Variants in SNX19 observed in about 807,000 individuals in gnomAD.
SNX19 encodes the protein sorting nexin 19.
In SNX19, 60 loss-of-function variants were observed where a neutral mutation model predicts 85.2. The ratio of observed to expected loss-of-function variants is 0.70; its 90% CI spans 0.57 to 0.87. SNX19 has a LOEUF of 0.87. Among genes scored for constraint, SNX19 ranks in the 40% least tolerant of loss-of-function variants. The pLI, the probability that SNX19 is intolerant of heterozygous loss-of-function variation, is 0.00. For missense variants in SNX19, 1,201 were observed against 1,217.8 expected (o/e 0.99, Z 0.21); for synonymous variants, 520 against 470.0 (o/e 1.11, Z -1.38).
chr11:130,880,964 G>A (rs576471501), intron 8 of SNX19, 158 bp from the exon 9 acceptor site: 7 of 500,572 alleles, frequency 1.4e-5, no homozygotes, highest in African/African-American at 1.9e-5. Flanking sequence ...GAGGTGATTA[G>A]GTCATGGGGG....
At chr11:130,891,087 A>T (rs1007857553) in intron 8 of SNX19, among the ~76,000 whole-genome samples, 8 of 152,176 alleles carry the variant, frequency 5.3e-5, no homozygotes, top group African/African-American at 1.9e-4. Context: ...TTGAGCTCTT[A>T]ATTATTCATG....
intron 8 of SNX19, 73 bp downstream of exon 8, chr11:130,903,182 A>T: frequency 1.9e-6 from 3 of 1,591,788 alleles, no homozygotes; most frequent in Non-Finnish European, 2.6e-6. Context: ...GATTCCCTGG[A>T]CACTATTCAG....
At chr11:130,894,505 T>C (rs768644894) in intron 8 of SNX19, among the ~76,000 whole-genome samples, 2 of 152,178 alleles carry the variant, frequency 1.3e-5, no homozygotes, top group African/African-American at 2.4e-5. Flanking sequence ...ATGGCTTCAA[T>C]ATACTGTATC....
chr11:130,901,334 A>T (rs1209243577), intron 8 of SNX19, among the ~76,000 whole-genome samples: 1 of 152,196 alleles, frequency 6.6e-6, no homozygotes, highest in African/African-American at 2.4e-5. Context: ...AAAACTTTGC[A>T]AGTTAGAGAA....
chr11:130,894,663 T>C (rs1944749009), intron 8 of SNX19: 3 of 985,342 alleles, frequency 3.0e-6, no homozygotes, highest in African/African-American at 1.7e-5. Context: ...GGTAGGCTTT[T>C]TGTCACCTAT....
intron 8 of SNX19, among the ~76,000 whole-genome samples, chr11:130,900,603 T>G (rs7121893): frequency 1.4e-3 from 207 of 152,304 alleles, no homozygotes; most frequent in African/African-American, 4.7e-3. Flanking sequence ...AGGTCAACTT[T>G]TTCCTACCCC....
At chr11:130,902,069 GA>G (rs1945293358) in intron 8 of SNX19, among the ~76,000 whole-genome samples, 1 of 152,170 alleles carries the variant, frequency 6.6e-6, no homozygotes, top group Admixed American at 6.5e-5. Context: ...CAAGATACAT[GA>G]AAAAAGCACA....
In SNX19 at chr11:130,878,393, T is replaced by A; in HGVS notation, c.*29A>T. The A allele has an allele frequency of 6.2e-7, 1 of 1,609,700 alleles. No individual in the cohort carries two copies. The highest frequency in any genetic ancestry group is 1.1e-5 in the South Asian group (1 of 90,642). ...TGGTGGCCGAGTAACTCTACTTCCC[T>A]GACCTGGGAAGAAGGCGTGAATAAC... is the stretch of plus-strand genomic sequence containing the variant. On this transcript the variant is annotated 3_prime_UTR_variant, in exon 11 of 11. Coordinates refer to ENST00000265909, the MANE Select transcript of SNX19 (RefSeq NM_014758.3).
rs1051080221 is a variant in SNX19, at chr11:130,874,160, C to A, written c.*4262G>T. The stretch of plus-strand genomic sequence containing the variant: ...GCCTCAGCCTCCCTAGTAGGTGGAA[C>A]CACAGGCGAGAGCCACCATGCCCCG... On this transcript the variant is annotated 3_prime_UTR_variant, in exon 11 of 11. Transcript: ENST00000265909. 1.3e-5 allele frequency among the ~76,000 whole-genome samples: 2 copies of A among 151,882 alleles called. No homozygotes were observed. The highest frequency in any genetic ancestry group is 6.6e-5 in the Admixed American group (1 of 15,258).
At chr11:130,901,314 T>C (rs1037278751) in intron 8 of SNX19, among the ~76,000 whole-genome samples, 1 of 152,122 alleles carries the variant, frequency 6.6e-6, no homozygotes, top group African/African-American at 2.4e-5. Context: ...CTGTGACAAG[T>C]ATTATTATCA....
At position 130,915,143 on chromosome 11, in the gene SNX19, C is replaced by A. The variant is rs754578596; in HGVS notation, c.797G>T (p.Gly266Val). ...DPDWIHLVLV[G>V]IFSKARDPAP... Reference sequence around the variant, plus strand: ...TGGATCTCTGGCCTTGGAAAAGATACCCACGAGTACAAGGTGGATCCAGTC... The same window carrying A: ...TGGATCTCTGGCCTTGGAAAAGATAACCACGAGTACAAGGTGGATCCAGTC... The change falls in exon 1 of 11, where the codon GGT becomes GTT. Residue 266 changes from glycine (G) to valine (V), a missense_variant. By Grantham distance (109) the Gly-to-Val change is moderately radical. Around this residue, in one of 3 missense-constraint regions of SNX19, gnomAD observed 791 missense variants for 750.9 expected, o/e 1.05. Transcript: ENST00000265909. The A allele has an allele frequency of 6.2e-7, 1 of 1,613,808 alleles. No homozygotes were observed. The highest frequency in any genetic ancestry group is 1.3e-5 in the African/African-American group (1 of 74,934).
At chr11:130,885,156 TA>T (rs1592287497) in intron 8 of SNX19, among the ~76,000 whole-genome samples, 1 of 152,100 alleles carries the variant, frequency 6.6e-6, no homozygotes, top group Admixed American at 6.5e-5. Context: ...AGAGCCTTAA[TA>T]GGGGGCCTAG....
Position 130,876,329 on chromosome 11 carries a change from T to C in SNX19, c.*2093A>G, listed in dbSNP as rs893675698. 2 of 152,280 alleles carry C rather than the reference T, an allele frequency of 1.3e-5. No individual in the cohort carries two copies. The highest frequency in any genetic ancestry group is 6.5e-5 in the Admixed American group (1 of 15,272). The allele number at this position is 152,280 out of a possible 1,614,324, so 9.4% of individuals were successfully genotyped here. On this transcript the variant is annotated 3_prime_UTR_variant, in exon 11 of 11. Coordinates refer to ENST00000265909, the MANE Select transcript of SNX19 (RefSeq NM_014758.3). ...GTTTTCAAAGCCAGATGAGTTCTGA[T>C]TGTTCCCTTGGCAATATCCATTATT...
In SNX19 at chr11:130,871,915, CACTG is replaced by C. The variant is rs376092724; in HGVS notation, c.*6503_*6506del. Among the ~76,000 whole-genome samples the C allele has an allele frequency of 3.2e-3, 495 of 152,324 alleles. 2 individuals are homozygous for C. Among genetic ancestry groups the C allele is most frequent in the African/African-American group, 9.9e-3 (411 of 41,576 alleles). ...AATTAGCTTACACTTCCTAAACAAA[CACTG>C]ACTGGTGACAAAGGGATTGGGTTAA... On this transcript the variant is annotated 3_prime_UTR_variant, in exon 11 of 11. Coordinates refer to ENST00000265909, the MANE Select transcript of SNX19 (RefSeq NM_014758.3).
chr11:130,894,242 T>A (rs937701156), intron 8 of SNX19, among the ~76,000 whole-genome samples: 1 of 152,208 alleles, frequency 6.6e-6, no homozygotes. Flanking sequence ...GCTGGTCTCA[T>A]CACCACAGAC....
intron 8 of SNX19, among the ~76,000 whole-genome samples, chr11:130,888,695 G>A (rs953060488): frequency 1.3e-5 from 2 of 152,144 alleles, no homozygotes; most frequent in Admixed American, 1.3e-4. Flanking sequence ...AAAAAGGCAA[G>A]ATATCTGTGC....
At position 130,914,682 on chromosome 11, in the gene SNX19, C is replaced by T. The variant is rs769069461; in HGVS notation, c.1258G>A (p.Glu420Lys). 1.2e-6 allele frequency: 2 copies of T among 1,613,972 alleles called. No homozygotes were observed. Among genetic ancestry groups the T allele is most frequent in the Non-Finnish European group, 1.7e-6 (2 of 1,179,874 alleles). The change falls in exon 1 of 11, where the codon GAA (glutamate) becomes AAA (lysine). Residue 420 changes from glutamate (E) to lysine (K), a missense_variant. Glu to Lys is a moderately conservative substitution (Grantham distance 56). This residue lies in a region of SNX19 where 791 missense variants were observed against 750.9 expected (regional missense o/e 1.05). Coordinates refer to ENST00000265909, the MANE Select transcript of SNX19 (RefSeq NM_014758.3). ...GGACCCTCCTCAGCCTCTGCTCCTT[C>T]AGATGCCTCACCATCTTTGGGTTCC... is the stretch of plus-strand genomic sequence containing the variant. ...ALEPKDGEAS[E>K]GAEAEEGPGT...
chr11:130,886,295 T>C (rs192563241), intron 8 of SNX19, among the ~76,000 whole-genome samples: 233 of 152,252 alleles, frequency 1.5e-3, no homozygotes, highest in African/African-American at 5.1e-3. Context: ...TACATATATA[T>C]GTATATATCA....
chr11:130,885,358 T>G (rs1943983791), intron 8 of SNX19, among the ~76,000 whole-genome samples: 1 of 152,174 alleles, frequency 6.6e-6, no homozygotes, highest in Admixed American at 6.5e-5. Context: ...GATAGGGGAA[T>G]GAAGCAATGA....
Sources: gnomAD v4.1 joint callset for allele counts (sites outside exome capture counted in the v4.1 genomes callset) on GRCh38, gnomAD v4.1.1 for gene constraint, gnomAD v4.1.1 regional missense constraint, MANE v1.5 for transcripts, NCBI Gene and HGNC (gene_info 2026-07-23, HGNC 2026-07-21) for gene names.